Variants in PAIP2B observed in about 807,000 individuals in gnomAD.
PAIP2B encodes the protein polyadenylate-binding protein-interacting protein 2B.
A neutral mutation model predicts 17.0 loss-of-function variants in PAIP2B; 13 were observed. The observed-to-expected ratio is 0.76, with a 90% confidence interval of 0.50 to 1.22. PAIP2B has a LOEUF of 1.22. Ranked by LOEUF, PAIP2B falls within the 50% of genes most tolerant of loss-of-function variation. The probability of loss-of-function intolerance (pLI) is 0.00; values close to 1 mark genes in which losing one functional copy is unlikely to be tolerated. For synonymous variants in PAIP2B, 43 were observed against 48.7 expected, an observed-to-expected ratio of 0.88 and a Z score of 0.48; for missense variants, 117 against 144.5, an observed-to-expected ratio of 0.81 and a Z score of 0.98.
chr2:71,193,151 G>A (rs1394387177), intron 2 of PAIP2B, among the ~76,000 whole-genome samples: 2 of 151,934 alleles, frequency 1.3e-5, no homozygotes, highest in Non-Finnish European at 2.9e-5. Flanking sequence ...GTGTGAAATT[G>A]TATCTCATGG....
intron 1 of PAIP2B, among the ~76,000 whole-genome samples, chr2:71,209,036 A>G (rs1675219992): frequency 6.6e-6 from 1 of 152,248 alleles, no homozygotes; most frequent in Non-Finnish European, 1.5e-5. Context: ...CAATTCCAGT[A>G]AAGTAGGAAT....
At chr2:71,206,565 T>C (rs942123069) in intron 1 of PAIP2B, among the ~76,000 whole-genome samples, 1 of 152,216 alleles carries the variant, frequency 6.6e-6, no homozygotes, top group Admixed American at 6.5e-5. Flanking sequence ...TAGGGACTTA[T>C]GTTCCAAGTT....
At position 71,187,638 on chromosome 2, in the gene PAIP2B, G is replaced by A. The variant is rs560406127; in HGVS notation, c.*841C>T. 1 of 152,206 alleles carries A rather than the reference G, an allele frequency of 6.6e-6. No individual in the cohort carries two copies. Among genetic ancestry groups the A allele is most frequent in the Admixed American group, 6.5e-5 (1 of 15,278 alleles). 9.4% of individuals were successfully genotyped at this position (152,206 alleles called of 1,614,324 possible). A position where few individuals can be genotyped will look rare whatever the true frequency, so the allele number is the denominator to read the frequency against. On this transcript the variant is annotated 3_prime_UTR_variant, in exon 4 of 4. Coordinates refer to ENST00000244221, the MANE Select transcript of PAIP2B (RefSeq NM_020459.1). ...CTCATGCTAATTGCCAGCACAGCAG[G>A]CCTCCCCTATGCCTTTGGTAGCAGT...
Position 71,183,511 on chromosome 2 carries a change from GT to G in PAIP2B, c.*4967del, listed in dbSNP as rs1201233592. 7.4e-6 allele frequency: 1 copy of G among 135,452 alleles called. No individual in the cohort carries two copies. The highest frequency in any genetic ancestry group is 1.6e-5 in the Non-Finnish European group (1 of 64,256). The allele number at this position is 135,452 out of a possible 1,614,324, so 8.4% of individuals were successfully genotyped here. A position where few individuals can be genotyped will look rare whatever the true frequency, so the allele number is the denominator to read the frequency against. On this transcript the variant is annotated 3_prime_UTR_variant, in exon 4 of 4. Coordinates refer to ENST00000244221, the MANE Select transcript of PAIP2B (RefSeq NM_020459.1). ...ATAAGTCCTACGTTCGGAGGGTTCC[GT>G]TTAGACAACAGGAAGTTGGAATCCA... is the stretch of plus-strand genomic sequence containing the variant.
At chr2:71,199,177 G>A (rs1219172992) in intron 2 of PAIP2B, among the ~76,000 whole-genome samples, 3 of 151,802 alleles carry the variant, frequency 2.0e-5, no homozygotes, top group African/African-American at 7.3e-5. Context: ...TAATTCAGAT[G>A]TTTCTCTTTT....
Position 71,184,855 on chromosome 2 carries a change from A to G in PAIP2B, c.*3624T>C, listed in dbSNP as rs1188909342. On this transcript the variant is annotated 3_prime_UTR_variant, in exon 4 of 4. Transcript: ENST00000244221. Reference sequence around the variant, plus strand: ...CACTCAGTCCTTCCCAATTATGTGGACGTCTCCAAATCTTGGTCAAATCTG... The same window carrying G: ...CACTCAGTCCTTCCCAATTATGTGGGCGTCTCCAAATCTTGGTCAAATCTG... 1 of 152,100 alleles carries G rather than the reference A, an allele frequency of 6.6e-6. No individual in the cohort carries two copies. Among genetic ancestry groups the G allele is most frequent in the East Asian group, 1.9e-4 (1 of 5,178 alleles). The allele number at this position is 152,100 out of a possible 1,614,324, so 9.4% of individuals were successfully genotyped here. A position where few individuals can be genotyped will look rare whatever the true frequency, so the allele number is the denominator to read the frequency against.
At chr2:71,211,411 A>G (rs374146684) in intron 1 of PAIP2B, among the ~76,000 whole-genome samples, 78 of 152,296 alleles carry the variant, frequency 5.1e-4, no homozygotes, top group African/African-American at 1.9e-3. Flanking sequence ...CCAAGGCCCA[A>G]TTTTTGTATT....
intron 1 of PAIP2B, among the ~76,000 whole-genome samples, chr2:71,208,005 G>A (rs1558778864): frequency 6.6e-6 from 1 of 152,160 alleles, no homozygotes; most frequent in Non-Finnish European, 1.5e-5. Context: ...TAGGAAGTTG[G>A]AGTAGTCGTT....
intron 2 of PAIP2B, among the ~76,000 whole-genome samples, chr2:71,198,431 G>A (rs357766): frequency 0.16 from 23,950 of 151,608 alleles, 1,959 homozygotes; most frequent in South Asian, 0.19. Context: ...GACTACAGGC[G>A]CCCGCTACCA....
At chr2:71,196,646 C>A (rs975900294) in intron 2 of PAIP2B, among the ~76,000 whole-genome samples, 2 of 151,898 alleles carry the variant, frequency 1.3e-5, no homozygotes, top group African/African-American at 4.8e-5. Context: ...CTGTCTATGT[C>A]TTTTTGCACC....
At chr2:71,215,093 G>T (rs904713779) in intron 1 of PAIP2B, among the ~76,000 whole-genome samples, 21 of 152,090 alleles carry the variant, frequency 1.4e-4, no homozygotes, top group Admixed American at 4.6e-4. Flanking sequence ...TGAATTTAAT[G>T]TTACAAAAAA....
chr2:71,210,622 A>G (rs911608446), intron 1 of PAIP2B, among the ~76,000 whole-genome samples: 1 of 152,260 alleles, frequency 6.6e-6, no homozygotes, highest in East Asian at 1.9e-4. Flanking sequence ...CAAGGAAGTC[A>G]GGAAAAAGAG....
chr2:71,196,742 A>G (rs978074700), intron 2 of PAIP2B, among the ~76,000 whole-genome samples: 1 of 152,100 alleles, frequency 6.6e-6, no homozygotes, highest in Non-Finnish European at 1.5e-5. Context: ...CTTCTTGCTG[A>G]ATTGAACCCT....
rs113211019 is a variant in PAIP2B at position 71,222,024 on chromosome 2, G to C, written c.-12+4904C>G. On this transcript the variant is annotated intron_variant, in intron 1 of 3. Transcript: ENST00000244221. ...CTGAGCCCACAGCAGCAACCTGCTGGGGTCCCCTTCCAGGCTGTGGAAGCT... is the reference window on the plus strand; with the variant it reads ...CTGAGCCCACAGCAGCAACCTGCTGCGGTCCCCTTCCAGGCTGTGGAAGCT... Among the ~76,000 whole-genome samples, 1,504 of 152,264 alleles carry C rather than the reference G, an allele frequency of 9.9e-3. 32 individuals are homozygous for C. Among genetic ancestry groups the C allele is most frequent in the African/African-American group, 0.035 (1,446 of 41,534 alleles).
chr2:71,217,835 A>C (rs376759290), intron 1 of PAIP2B, among the ~76,000 whole-genome samples: 1 of 101,936 alleles, frequency 9.8e-6, no homozygotes, highest in African/African-American at 3.2e-5. Context: ...TGGCAAGCCA[A>C]GGGGGGAGAT....
intron 1 of PAIP2B, among the ~76,000 whole-genome samples, chr2:71,218,919 CTTTT>C (rs869124496): frequency 7.2e-6 from 1 of 138,102 alleles, no homozygotes; most frequent in African/African-American, 2.7e-5. Flanking sequence ...CTTTTTTTTT[CTTTT>C]TTTTTTTTTT....
chr2:71,191,445 A>G (rs1048018549), intron 2 of PAIP2B, among the ~76,000 whole-genome samples: 1 of 152,194 alleles, frequency 6.6e-6, no homozygotes, highest in African/African-American at 2.4e-5. Context: ...GGCACAACCA[A>G]TGAAAATGGT....
intron 2 of PAIP2B, among the ~76,000 whole-genome samples, chr2:71,196,405 G>C (rs925268719): frequency 6.6e-6 from 1 of 152,130 alleles, no homozygotes; most frequent in Non-Finnish European, 1.5e-5. Flanking sequence ...TTTTACACTT[G>C]TTGAGGATTG....
intron 3 of PAIP2B, 24 bp from the exon 4 acceptor site, chr2:71,188,559 T>C (rs1293138215): frequency 1.3e-6 from 2 of 1,586,672 alleles, no homozygotes; most frequent in East Asian, 2.3e-5. Context: ...CAAGAGATAG[T>C]AAATCCTAAG....
Sources: allele counts gnomAD v4.1 joint callset (sites outside exome capture counted in the v4.1 genomes callset), GRCh38; gene constraint gnomAD v4.1.1; transcripts MANE v1.5; gene names NCBI Gene and HGNC (gene_info 2026-07-23, HGNC 2026-07-21).